The following OGG1 variants were observed in gnomAD, a reference collection of about 807,000 sequenced individuals.
OGG1 encodes the protein N-glycosylase/DNA lyase.
OGG1 carries 35 observed loss-of-function variants against 42.3 expected under a neutral mutation model. That is an observed-to-expected ratio of 0.83 (90% confidence interval 0.63 to 1.10). The LOEUF (loss-of-function observed/expected upper bound fraction) is 1.10, where lower values mean the gene tolerates loss of function less well. OGG1 is among the 50% of genes least tolerant of loss of function. The probability of loss-of-function intolerance (pLI) is 0.00; values close to 1 mark genes in which losing one functional copy is unlikely to be tolerated. For synonymous variants in OGG1, 189 were observed against 179.0 expected, an observed-to-expected ratio of 1.06 and a Z score of -0.44; for missense variants, 484 against 446.7, an observed-to-expected ratio of 1.08 and a Z score of -0.75.
At chr3:9,753,120 G>T (rs1317571429) in intron 3 of OGG1, among the ~76,000 whole-genome samples, 3 of 152,110 alleles carry the variant, frequency 2.0e-5, no homozygotes, top group African/African-American at 7.2e-5. Flanking sequence ...GGGAGGCTGA[G>T]GCAGGTGGAT....
chr3:9,776,965 C>T (rs2078373262), intron 2 of OGG1, among the ~76,000 whole-genome samples: 1 of 152,128 alleles, frequency 6.6e-6, no homozygotes, highest in Non-Finnish European at 1.5e-5. Context: ...GAGTCCTGAG[C>T]CCCAGGCCAA....
chr3:9,780,079 G>A, intron 2 of OGG1: 2 of 346,864 alleles, frequency 5.8e-6, no homozygotes, highest in Non-Finnish European at 1.0e-5. Flanking sequence ...AGTGGGGGAT[G>A]GTAAAGAGGG....
At chr3:9,789,574 T>C (rs1025727523), downstream of OGG1, 4 of 1,614,092 alleles carry the variant, frequency 2.5e-6, no homozygotes, top group Non-Finnish European at 3.4e-6. Flanking sequence ...ACCTCCTCGC[T>C]GGTGATGTCA....
At chr3:9,759,640 C>G, downstream of OGG1, 1 of 1,614,064 alleles carries the variant, frequency 6.2e-7, no homozygotes. Context: ...CCCCAAATCC[C>G]GCCCCAGCTC....
chr3:9,784,884 G>GA (rs1172223085), intron 3 of OGG1, among the ~76,000 whole-genome samples: 1 of 150,470 alleles, frequency 6.6e-6, no homozygotes. Context: ...AAAAGAAAAA[G>GA]AAAAAAAGAA....
At chr3:9,787,450 C>T in intron 3 of OGG1, 1 of 1,433,220 alleles carries the variant, frequency 7.0e-7, no homozygotes, top group Non-Finnish European at 9.3e-7. Flanking sequence ...TAGTCCAAGG[C>T]CAAGCCCAGT....
intron 2 of OGG1, 136 bp downstream of exon 2, chr3:9,751,328 T>A: frequency 2.3e-6 from 2 of 866,320 alleles, no homozygotes; most frequent in Non-Finnish European, 3.8e-6. Context: ...CTAATACATG[T>A]AAAGTGCTTA....
At position 9,750,347 on chromosome 3, in the gene OGG1, G is replaced by GCCCTGTGGGCCTCCAT; in HGVS notation, c.65_80dup (p.Cys28ValfsTer10). 1 of 1,613,960 alleles carries GCCCTGTGGGCCTCCAT rather than the reference G, an allele frequency of 6.2e-7. No homozygotes were observed. The highest frequency in any genetic ancestry group is 1.3e-5 in the African/African-American group (1 of 75,034). On this transcript the variant is annotated frameshift_variant, in exon 1 of 7. Coordinates refer to ENST00000344629, the MANE Select transcript of OGG1 (RefSeq NM_002542.6). LOFTEE classifies it high-confidence loss of function. ...GCATCGTACTCTAGCCTCCACTCCT[G>GCCCTGTGGGCCTCCAT]CCCTGTGGGCCTCCATCCCGTGCCC...
In OGG1 at chr3:9,751,804, CCTTTTCT is replaced by C; in HGVS notation, c.426_432del (p.Phe142LeufsTer65). ...TGCTGCGACAAGACCCCATCGAATG[CCTTTTCT>C]CTTTTATCTGTTCCTCCAACAACAA... On this transcript the variant is annotated frameshift_variant, in exon 3 of 7. Transcript: ENST00000344629. LOFTEE classifies it high-confidence loss of function. 1 of 1,614,206 alleles carries C rather than the reference CCTTTTCT, an allele frequency of 6.2e-7. No individual in the cohort carries two copies. Among genetic ancestry groups the C allele is most frequent in the South Asian group, 1.1e-5 (1 of 91,092 alleles).
intron 7 of OGG1, chr3:9,763,290 G>A (rs2125584236): frequency 1.9e-6 from 3 of 1,583,764 alleles, no homozygotes; most frequent in South Asian, 2.3e-5. Flanking sequence ...GAACTTGGGA[G>A]GCTGAGGCAG....
intron 7 of OGG1, among the ~76,000 whole-genome samples, chr3:9,763,465 C>T (rs570901483): frequency 8.6e-5 from 13 of 151,954 alleles, no homozygotes; most frequent in Non-Finnish European, 1.3e-4. Flanking sequence ...CCCCAACCCC[C>T]GACCACTGCC....
intron 3 of OGG1, among the ~76,000 whole-genome samples, chr3:9,752,291 C>A (rs1256444272): frequency 2.6e-5 from 4 of 152,102 alleles, no homozygotes; most frequent in Non-Finnish European, 5.9e-5. Context: ...TATTTAGCAT[C>A]TCTGTACTAA....
At chr3:9,785,293 G>T (rs758265611) in intron 3 of OGG1, 1 of 1,579,828 alleles carries the variant, frequency 6.3e-7, no homozygotes, top group Non-Finnish European at 8.7e-7. Context: ...CAGACTGTGG[G>T]TTGTGGATAG....
downstream of OGG1, chr3:9,761,370 A>G: frequency 7.7e-7 from 1 of 1,303,772 alleles, no homozygotes; most frequent in Non-Finnish European, 1.1e-6. Flanking sequence ...GAAGGAAGGG[A>G]GGGCAGAGGG....
chr3:9,759,591 G>T (rs753634244), downstream of OGG1: 1 of 1,614,180 alleles, frequency 6.2e-7, no homozygotes, highest in Non-Finnish European at 8.5e-7. Flanking sequence ...ATGGGGTTAT[G>T]TGGTGGGTTG....
Position 9,765,847 on chromosome 3 carries a change from G to A in OGG1, c.*16G>A, listed in dbSNP as rs770894597. 4 of 1,613,906 alleles carry A rather than the reference G, an allele frequency of 2.5e-6. No homozygotes were observed. The South Asian group carries it at 4.4e-5, about 18-fold the overall frequency. On this transcript the variant is annotated 3_prime_UTR_variant, in exon 8 of 8. Coordinates refer to the OGG1 transcript ENST00000302008. ...ATGCATTTGATGGCCACCAGCTTCT[G>A]CGTCCTCTTATCTTCTGCCAGGATC...
intron 3 of OGG1, chr3:9,787,236 TTTC>T (rs775767017): frequency 2.5e-6 from 4 of 1,614,090 alleles, no homozygotes; most frequent in South Asian, 1.1e-5. Context: ...CCATGAGGCC[TTTC>T]TTCTTGTCAG....
At chr3:9,753,517 G>C (rs1298135349) in intron 3 of OGG1, among the ~76,000 whole-genome samples, 1 of 151,880 alleles carries the variant, frequency 6.6e-6, no homozygotes, top group African/African-American at 2.4e-5. Context: ...AGCCGGGTGT[G>C]GTGGTGGGCG....
chr3:9,756,392 GC>G, intron 4 of OGG1, 78 bp from the exon 5 acceptor site: 1 of 1,452,290 alleles, frequency 6.9e-7, no homozygotes, highest in Non-Finnish European at 9.7e-7. Context: ...GGAGAAAGCA[GC>G]CGGCTTTGGG....
Sources: gnomAD v4.1 joint callset for allele counts (sites outside exome capture counted in the v4.1 genomes callset) on GRCh38, gnomAD v4.1.1 for gene constraint, MANE v1.5 for transcripts, NCBI Gene and HGNC (gene_info 2026-07-23, HGNC 2026-07-21) for gene names.